GRM7: variants seen among roughly 807,000 people sequenced by gnomAD.
GRM7 encodes the protein glutamate metabotropic receptor 7.
Under a neutral mutation model 84.5 loss-of-function variants are expected in GRM7, and 35 were observed. That is an observed-to-expected ratio of 0.41 (90% CI 0.32 to 0.55). The LOEUF is 0.55. Among genes scored for constraint, GRM7 ranks in the 20% least tolerant of loss-of-function variants. The pLI is 0.19. For missense variants in GRM7, 1,003 were observed against 1,194.6 expected (o/e 0.84, Z 2.36); for synonymous variants, 487 against 455.1 (o/e 1.07, Z -0.89).
intron 9 of GRM7, among the ~76,000 whole-genome samples, chr3:7,721,389 C>A (rs1223524778): frequency 6.6e-6 from 1 of 152,166 alleles, no homozygotes; most frequent in African/African-American, 2.4e-5. Flanking sequence ...TGTTTGATAA[C>A]CAACCTGGGC....
chr3:7,349,278 T>C (rs894167694), intron 4 of GRM7, among the ~76,000 whole-genome samples: 5 of 152,148 alleles, frequency 3.3e-5, no homozygotes, highest in African/African-American at 1.2e-4. Flanking sequence ...CTCTATTCAT[T>C]AAGAGACTGG....
At chr3:6,881,801 A>T (rs958464950) in intron 1 of GRM7, among the ~76,000 whole-genome samples, 1 of 152,124 alleles carries the variant, frequency 6.6e-6, no homozygotes, top group Non-Finnish European at 1.5e-5. Context: ...AGATGCATAG[A>T]CATGGGGAAT....
At chr3:7,695,712 G>A (rs967067568) in intron 9 of GRM7, among the ~76,000 whole-genome samples, 1 of 152,148 alleles carries the variant, frequency 6.6e-6, no homozygotes, top group Non-Finnish European at 1.5e-5. Flanking sequence ...TTTCTCATCT[G>A]TAAAATTGGT....
intron 1 of GRM7, among the ~76,000 whole-genome samples, chr3:6,951,064 G>A (rs939699378): frequency 5.9e-5 from 9 of 152,006 alleles, no homozygotes; most frequent in Non-Finnish European, 1.0e-4. Flanking sequence ...CCCACTGTCC[G>A]GCACTCCCCA....
At chr3:7,173,266 T>G (rs116663423) in intron 2 of GRM7, among the ~76,000 whole-genome samples, 463 of 152,334 alleles carry the variant, frequency 3.0e-3, no homozygotes, top group South Asian at 0.014. Context: ...TCGTCTTTAC[T>G]ACTTACAATC....
chr3:7,016,896 A>T (rs965930519), intron 1 of GRM7, among the ~76,000 whole-genome samples: 2 of 152,174 alleles, frequency 1.3e-5, no homozygotes, highest in Admixed American at 1.3e-4. Flanking sequence ...TTGCAATTTC[A>T]TGTTATAGTT....
chr3:7,492,405 T>A (rs1340806916), intron 7 of GRM7, among the ~76,000 whole-genome samples: 3 of 152,204 alleles, frequency 2.0e-5, no homozygotes, highest in Non-Finnish European at 4.4e-5. Context: ...CTGTTCAGTT[T>A]GTCTACTTAA....
intron 5 of GRM7, among the ~76,000 whole-genome samples, chr3:7,446,450 G>GTTTTTTTGTTTTTGTTTTTTTTT (rs1697511349): frequency 9.3e-6 from 1 of 108,032 alleles, no homozygotes; most frequent in Non-Finnish European, 2.1e-5. Flanking sequence ...TTTTGGTCTT[G>GTTTTTTTGTTTTTGTTTTTTTTT]TTTTTTTTTT....
chr3:7,562,336 C>T (rs765831880), intron 7 of GRM7, among the ~76,000 whole-genome samples: 13 of 149,568 alleles, frequency 8.7e-5, no homozygotes, highest in Non-Finnish European at 1.6e-4. Flanking sequence ...TAATAGTTCA[C>T]TTTCCCCCTT....
At chr3:7,040,333 C>T (rs1341590803) in intron 1 of GRM7, among the ~76,000 whole-genome samples, 4 of 151,466 alleles carry the variant, frequency 2.6e-5, no homozygotes, top group Non-Finnish European at 5.9e-5. Context: ...GATGGAGTCT[C>T]GCTCTGTCGC....
intron 9 of GRM7, among the ~76,000 whole-genome samples, chr3:7,733,538 G>T (rs1420660172): frequency 3.3e-5 from 5 of 152,096 alleles, no homozygotes. Context: ...CAGATTTTCC[G>T]GGGACCCTTC....
intron 7 of GRM7, among the ~76,000 whole-genome samples, chr3:7,462,394 T>G (rs1698284605): frequency 6.6e-6 from 1 of 152,188 alleles, no homozygotes; most frequent in African/African-American, 2.4e-5. Context: ...GATTCAAATG[T>G]TCATCTAATC....
intron 7 of GRM7, among the ~76,000 whole-genome samples, chr3:7,481,601 C>A (rs112154543): frequency 0.018 from 2,673 of 152,192 alleles, 67 homozygotes; most frequent in African/African-American, 0.059. Flanking sequence ...ACCTAGCTGG[C>A]AGGATTATTT....
chr3:7,236,682 G>A (rs531226556), intron 2 of GRM7, among the ~76,000 whole-genome samples: 1 of 152,258 alleles, frequency 6.6e-6, no homozygotes, highest in African/African-American at 2.4e-5. Flanking sequence ...CCAGGGCCAG[G>A]TTAGTACCCT....
intron 7 of GRM7, among the ~76,000 whole-genome samples, chr3:7,517,435 C>G (rs996528812): frequency 6.6e-6 from 1 of 152,106 alleles, no homozygotes; most frequent in Admixed American, 6.5e-5. Context: ...CTCTGTCACC[C>G]CAGCTGGAGT....
intron 2 of GRM7, among the ~76,000 whole-genome samples, chr3:7,179,714 A>G (rs1226020830): frequency 6.6e-6 from 1 of 152,184 alleles, no homozygotes. Context: ...GTTGTAATAT[A>G]TATAGCATTG....
intron 2 of GRM7, among the ~76,000 whole-genome samples, chr3:7,249,634 A>G (rs1436517309): frequency 4.6e-5 from 7 of 152,228 alleles, no homozygotes; most frequent in Admixed American, 2.0e-4. Flanking sequence ...CTGCATCAGC[A>G]AAATGAAATG....
At chr3:6,934,271 A>G (rs947223770) in intron 1 of GRM7, among the ~76,000 whole-genome samples, 3 of 152,192 alleles carry the variant, frequency 2.0e-5, no homozygotes, top group Admixed American at 1.3e-4. Flanking sequence ...TCTGTTTACT[A>G]GGAGACACAC....
intron 1 of GRM7, among the ~76,000 whole-genome samples, chr3:6,900,385 C>G (rs9856655): frequency 6.6e-6 from 1 of 151,946 alleles, no homozygotes; most frequent in African/African-American, 2.4e-5. Flanking sequence ...AACCATCTGG[C>G]GAATAATACA....
Sources: gnomAD v4.1 joint callset for allele counts (sites outside exome capture counted in the v4.1 genomes callset) on GRCh38, gnomAD v4.1.1 for gene constraint, MANE v1.5 for transcripts, NCBI Gene and HGNC (gene_info 2026-07-23, HGNC 2026-07-21) for gene names.